Variants in ACYP2 observed in about 807,000 individuals in gnomAD.
ACYP2 encodes the protein acylphosphatase-2.
ACYP2 carries 12 observed loss-of-function variants against 11.2 expected under a neutral mutation model. The ratio of observed to expected loss-of-function variants is 1.08; its 90% CI spans 0.69 to 1.74. The LOEUF is 1.74. Among genes scored for constraint, ACYP2 ranks in the 40% most tolerant of loss-of-function variants. The pLI, the probability that ACYP2 is intolerant of heterozygous loss-of-function variation, is 0.00. For synonymous variants in ACYP2, 43 were observed against 32.2 expected, an observed-to-expected ratio of 1.33 and a Z score of -1.13; for missense variants, 134 against 101.9, an observed-to-expected ratio of 1.31 and a Z score of -1.35.
At chr2:54,067,268 T>C (rs1477761927) in intron 4 of ACYP2, among the ~76,000 whole-genome samples, 3 of 152,358 alleles carry the variant, frequency 2.0e-5, no homozygotes, top group Non-Finnish European at 4.4e-5. Flanking sequence ...GCAATTTTTA[T>C]ATTTGCTACA....
chr2:54,169,683 G>T (rs573550561), intron 6 of ACYP2, among the ~76,000 whole-genome samples: 2 of 151,858 alleles, frequency 1.3e-5, no homozygotes, highest in South Asian at 4.2e-4. Context: ...TGAAACTTAC[G>T]GTTTTTTTTC....
chr2:54,189,370 G>T (rs531643357), intron 6 of ACYP2, among the ~76,000 whole-genome samples: 3 of 151,986 alleles, frequency 2.0e-5, no homozygotes, highest in South Asian at 4.2e-4. Flanking sequence ...CTCTAACTTT[G>T]TATATTTGAC....
chr2:54,249,940 CAAAAAA>C (rs1015312135), intron 6 of ACYP2, among the ~76,000 whole-genome samples: 2 of 44,456 alleles, frequency 4.5e-5, no homozygotes, highest in Non-Finnish European at 9.8e-5. Flanking sequence ...GACCCTGTCT[CAAAAAA>C]AAAAAAAAAA....
chr2:54,122,627 C>T lies in ACYP2; in HGVS notation c.278-12826C>T, dbSNP rs532257938. Among the ~76,000 whole-genome samples, 3 of 152,326 alleles carry T rather than the reference C, an allele frequency of 2.0e-5. No individual in the cohort carries two copies. In the South Asian group the frequency reaches 6.2e-4, roughly 32 times the overall value. ...GTGCAGAAAAATGTCTCCACATCTA[C>T]CTTTTCTTTCTATATAGATATCTAT... is the stretch of plus-strand genomic sequence containing the variant. On this transcript the variant is annotated intron_variant, in intron 4 of 6. Coordinates refer to ENST00000607452, the MANE Select transcript of ACYP2 (RefSeq NM_001320586.2).
intron 6 of ACYP2, among the ~76,000 whole-genome samples, chr2:54,177,359 C>T (rs146232170): frequency 6.6e-6 from 1 of 152,240 alleles, no homozygotes; most frequent in Admixed American, 6.5e-5. Context: ...AGGTCTTCTC[C>T]TAGAGCTACA....
chr2:54,271,938 T>G (rs1186400056), intron 6 of ACYP2, among the ~76,000 whole-genome samples: 2 of 152,178 alleles, frequency 1.3e-5, no homozygotes, highest in African/African-American at 4.8e-5. Flanking sequence ...TCTCACCCCT[T>G]AATGTATCAT....
Position 54,035,024 on chromosome 2 carries a change from A to AT in ACYP2, c.63-15934_63-15933insT, listed in dbSNP as rs1558484913. 1.0e-3 allele frequency among the ~76,000 whole-genome samples: 138 copies of AT among 138,414 alleles called. 1 individual carries two copies. Among genetic ancestry groups the AT allele is most frequent in the African/African-American group, 3.7e-3 (133 of 36,180 alleles). The allele number at this position is 138,414 out of a possible 152,430, so 90.8% of individuals were successfully genotyped here. A position where few individuals can be genotyped will look rare whatever the true frequency, so the allele number is the denominator to read the frequency against. On this transcript the variant is annotated intron_variant, in intron 2 of 6. Coordinates refer to ENST00000607452, the MANE Select transcript of ACYP2 (RefSeq NM_001320586.2). ...GACTACATCTCAAAAAAAAAAAAAAAAAAAAAAAGCCTAGACTCTGGTTAA... is the reference window on the plus strand; with the variant it reads ...GACTACATCTCAAAAAAAAAAAAAAATAAAAAAAAGCCTAGACTCTGGTTAA...
intron 6 of ACYP2, among the ~76,000 whole-genome samples, chr2:54,223,781 A>G (rs1054068855): frequency 2.0e-5 from 3 of 152,200 alleles, no homozygotes; most frequent in Admixed American, 6.5e-5. Context: ...TTTAGGAAAT[A>G]ATTTTTCTAG....
chr2:53,973,890 T>A (rs1671317112), intron 2 of ACYP2: 1 of 132,558 alleles, frequency 7.5e-6, no homozygotes, highest in African/African-American at 3.7e-5. Flanking sequence ...TGTGTGTGTG[T>A]GTGTGTGTGT....
intron 6 of ACYP2, among the ~76,000 whole-genome samples, chr2:54,156,363 C>T (rs1202612482): frequency 6.6e-6 from 1 of 152,172 alleles, no homozygotes; most frequent in Non-Finnish European, 1.5e-5. Context: ...ATCAACCTAT[C>T]ACCTAGGTAT....
chr2:54,019,131 A>G (rs916023273), intron 2 of ACYP2, among the ~76,000 whole-genome samples: 10 of 151,830 alleles, frequency 6.6e-5, no homozygotes, highest in African/African-American at 2.2e-4. Context: ...CGGTGGCACA[A>G]TCATGGCTCA....
chr2:54,127,343 C>T (rs1446902056), intron 4 of ACYP2, among the ~76,000 whole-genome samples: 1 of 152,152 alleles, frequency 6.6e-6, no homozygotes, highest in Non-Finnish European at 1.5e-5. Flanking sequence ...CAAACAACAA[C>T]ACCGTTATAT....
chr2:54,156,331 G>A (rs769656793), intron 6 of ACYP2, among the ~76,000 whole-genome samples: 80 of 152,186 alleles, frequency 5.3e-4, no homozygotes, highest in Admixed American at 5.9e-4. Context: ...GTAAACGTGT[G>A]CCATGGTGGT....
chr2:54,256,232 G>A (rs535478928), intron 6 of ACYP2: 2 of 1,491,388 alleles, frequency 1.3e-6, no homozygotes, highest in South Asian at 1.3e-5. Context: ...AAAATGGCGA[G>A]TAAACACCTC....
chr2:54,132,610 A>G (rs1224255439), intron 4 of ACYP2, among the ~76,000 whole-genome samples: 1 of 152,142 alleles, frequency 6.6e-6, no homozygotes, highest in East Asian at 1.9e-4. Flanking sequence ...TGTAGAATCA[A>G]TACCTTTTGG....
Position 54,226,236 on chromosome 2 carries a change from CA to C in ACYP2, c.405-78444del, listed in dbSNP as rs199945532. Among the ~76,000 whole-genome samples, 1,171 of 151,796 alleles carry C rather than the reference CA, an allele frequency of 7.7e-3. 15 individuals are homozygous for C. The highest frequency in any genetic ancestry group is 0.027 in the African/African-American group (1,126 of 41,448). The stretch of plus-strand genomic sequence containing the variant: ...GCAATCCCATATTCAAAATTGAAAA[CA>C]AAAAAAATATTTAAATACCCAAGTG... On this transcript the variant is annotated intron_variant, in intron 6 of 6. Coordinates refer to ENST00000607452, the MANE Select transcript of ACYP2 (RefSeq NM_001320586.2).
At chr2:54,262,028 T>A (rs1183784570) in intron 6 of ACYP2, among the ~76,000 whole-genome samples, 2 of 152,234 alleles carry the variant, frequency 1.3e-5, no homozygotes, top group African/African-American at 4.8e-5. Flanking sequence ...AGTTAATAAA[T>A]TATGATTTAA....
At chr2:54,199,975 C>T (rs980214644) in intron 6 of ACYP2, among the ~76,000 whole-genome samples, 2 of 152,242 alleles carry the variant, frequency 1.3e-5, no homozygotes, top group African/African-American at 4.8e-5. Context: ...TGAATTTAAA[C>T]ACAGTTTTGT....
intron 6 of ACYP2, among the ~76,000 whole-genome samples, chr2:54,224,652 T>C (rs989228961): frequency 6.6e-6 from 1 of 152,206 alleles, no homozygotes; most frequent in Non-Finnish European, 1.5e-5. Flanking sequence ...AGGATTTAAC[T>C]TGTAGCTTGG....
Sources: allele counts gnomAD v4.1 joint callset (sites outside exome capture counted in the v4.1 genomes callset), GRCh38; gene constraint gnomAD v4.1.1; transcripts MANE v1.5; gene names NCBI Gene and HGNC (gene_info 2026-07-23, HGNC 2026-07-21).